DSCAM: variants seen among roughly 807,000 people sequenced by gnomAD.
The protein encoded by DSCAM is cell adhesion molecule DSCAM.
A neutral mutation model predicts 217.7 loss-of-function variants in DSCAM; 47 were observed. The ratio of observed to expected loss-of-function variants is 0.22; its 90% confidence interval spans 0.17 to 0.28. The LOEUF is 0.28. Ranked by LOEUF, DSCAM falls within the 10% of genes least tolerant of loss-of-function variation. The pLI is 1.00. For synonymous variants in DSCAM, 1,056 were observed against 1,015.3 expected (o/e 1.04, Z -0.76); for missense variants, 2,080 against 2,618.3 (o/e 0.79, Z 4.49).
chr21:40,530,924 T>TTCAA lies in DSCAM; in HGVS notation c.509-161680_509-161679insTTGA, dbSNP rs1361596774. On this transcript the variant is annotated intron_variant, in intron 3 of 32. Transcript: ENST00000400454. ...ATCCATCCATCCATCCATTCAACCATCCATCCATCCATCCATCCATCCATC... is the reference window on the plus strand; with the variant it reads ...ATCCATCCATCCATCCATTCAACCATTCAACCATCCATCCATCCATCCATCCATC... Among the ~76,000 whole-genome samples, 5 of 91,742 alleles carry TTCAA rather than the reference T, an allele frequency of 5.5e-5. No individual in the cohort carries two copies. In the East Asian group the frequency reaches 1.4e-3, roughly 26 times the overall value. The allele number at this position is 91,742 out of a possible 152,430, so 60.2% of individuals were successfully genotyped here. A position where few individuals can be genotyped will look rare whatever the true frequency, so the allele number is the denominator to read the frequency against.
At chr21:40,755,159 G>T (rs1283632087) in intron 1 of DSCAM, among the ~76,000 whole-genome samples, 1 of 152,056 alleles carries the variant, frequency 6.6e-6, no homozygotes, top group Non-Finnish European at 1.5e-5. Context: ...TTAAGATGTT[G>T]CCTAGGGTCC....
intron 3 of DSCAM, among the ~76,000 whole-genome samples, chr21:40,514,595 A>G (rs892348970): frequency 2.0e-5 from 3 of 152,254 alleles, no homozygotes; most frequent in Non-Finnish European, 2.9e-5. Context: ...AATGTTCTGC[A>G]GCAACATCTA....
chr21:40,625,919 C>A (rs573197823), intron 3 of DSCAM, among the ~76,000 whole-genome samples: 1 of 152,154 alleles, frequency 6.6e-6, no homozygotes, highest in South Asian at 2.1e-4. Context: ...TCACCTATGT[C>A]TAGCAGGCTC....
At chr21:40,519,176 C>T (rs1453226304) in intron 3 of DSCAM, among the ~76,000 whole-genome samples, 1 of 152,076 alleles carries the variant, frequency 6.6e-6, no homozygotes, top group Non-Finnish European at 1.5e-5. Context: ...TTTTACTCTT[C>T]CTAGGCATGT....
At chr21:40,829,017 T>C (rs1387541194) in intron 1 of DSCAM, among the ~76,000 whole-genome samples, 1 of 152,232 alleles carries the variant, frequency 6.6e-6, no homozygotes, top group Non-Finnish European at 1.5e-5. Flanking sequence ...CTGTATGGCC[T>C]GCCCTGTCCT....
At chr21:40,194,643 T>G (rs919833700) in intron 11 of DSCAM, among the ~76,000 whole-genome samples, 2 of 152,238 alleles carry the variant, frequency 1.3e-5, no homozygotes, top group African/African-American at 2.4e-5. Context: ...TCATAAACTA[T>G]AATATTATCT....
At chr21:40,205,633 G>A (rs1320712429) in intron 11 of DSCAM, among the ~76,000 whole-genome samples, 3 of 147,234 alleles carry the variant, frequency 2.0e-5, no homozygotes, top group Non-Finnish European at 4.5e-5. Flanking sequence ...GTGTTCTCTT[G>A]AACACAGAAA....
chr21:40,757,246 C>T (rs545817535), intron 1 of DSCAM, among the ~76,000 whole-genome samples: 9 of 151,870 alleles, frequency 5.9e-5, no homozygotes, highest in Admixed American at 3.9e-4. Context: ...AAGATGGTCT[C>T]GATCTCCTGA....
At chr21:40,405,550 A>G (rs1188603749) in intron 3 of DSCAM, among the ~76,000 whole-genome samples, 2 of 152,228 alleles carry the variant, frequency 1.3e-5, no homozygotes, top group Non-Finnish European at 2.9e-5. Flanking sequence ...GAAATAACCA[A>G]CAGCATGAAG....
intron 3 of DSCAM, among the ~76,000 whole-genome samples, chr21:40,392,192 T>C (rs2075139962): frequency 6.6e-6 from 1 of 152,206 alleles, no homozygotes; most frequent in African/African-American, 2.4e-5. Context: ...TCCTCAGTAC[T>C]TCCTGAACAT....
chr21:40,620,479 G>T (rs1247374100), intron 3 of DSCAM, among the ~76,000 whole-genome samples: 2 of 148,738 alleles, frequency 1.3e-5, no homozygotes, highest in Admixed American at 6.7e-5. Context: ...AGGAAAAAGG[G>T]AAGGGAAGGG....
intron 3 of DSCAM, among the ~76,000 whole-genome samples, chr21:40,522,209 T>C (rs1568875178): frequency 6.6e-6 from 1 of 152,154 alleles, no homozygotes. Flanking sequence ...TATAAGCAGT[T>C]AGTAGACAGA....
intron 3 of DSCAM, among the ~76,000 whole-genome samples, chr21:40,457,417 C>A (rs142389864): frequency 6.6e-6 from 1 of 152,014 alleles, no homozygotes; most frequent in East Asian, 1.9e-4. Context: ...GAGGCTGAAG[C>A]GGGAGGATTG....
Position 40,014,715 on chromosome 21 carries a change from C to CTGCTTCCTTT in DSCAM, c.5687-1339_5687-1330dup, listed in dbSNP as rs1053026180. On this transcript the variant is annotated intron_variant, in intron 32 of 32. Coordinates refer to ENST00000400454, the MANE Select transcript of DSCAM (RefSeq NM_001389.5). ...GTCTCCAGACTCTCCTTGCCACCTC[C>CTGCTTCCTTT]TGCTTCCTTTTGCTTCCTTCTTCAC... Among the ~76,000 whole-genome samples the CTGCTTCCTTT allele has an allele frequency of 3.9e-5, 6 of 152,172 alleles. No individual in the cohort carries two copies. The East Asian group carries it at 5.8e-4, about 15-fold the overall frequency.
At chr21:40,729,363 G>C (rs1213145909) in intron 1 of DSCAM, among the ~76,000 whole-genome samples, 2 of 152,150 alleles carry the variant, frequency 1.3e-5, no homozygotes, top group African/African-American at 4.8e-5. Context: ...TGAACAAAAA[G>C]GACACACACA....
chr21:40,144,796 C>T lies in DSCAM; in HGVS notation c.3019-65G>A. On this transcript the variant is annotated intron_variant, in intron 16 of 32. Coordinates refer to ENST00000400454, the MANE Select transcript of DSCAM (RefSeq NM_001389.5). The surrounding 1 kb of genome is among the most constrained non-coding windows in gnomAD (Gnocchi z 4.8). ...GGTAGGACAAGAGCGAAATCAACGC[C>T]CACACCCACGTAGGAAAGCAGAAAT... is the stretch of plus-strand genomic sequence containing the variant. 2 of 1,598,850 alleles carry T rather than the reference C, an allele frequency of 1.3e-6. No individual in the cohort carries two copies. Among genetic ancestry groups the T allele is most frequent in the East Asian group, 4.5e-5 (2 of 44,702 alleles).
At chr21:40,568,314 TA>T (rs576825043) in intron 3 of DSCAM, among the ~76,000 whole-genome samples, 196 of 152,304 alleles carry the variant, frequency 1.3e-3, no homozygotes, top group African/African-American at 4.5e-3. Context: ...CAAATATATA[TA>T]TTTTTTTTCT....
At chr21:40,364,498 A>G (rs1297921632) in intron 4 of DSCAM, among the ~76,000 whole-genome samples, 1 of 134,176 alleles carries the variant, frequency 7.5e-6, no homozygotes, top group African/African-American at 2.7e-5. Context: ...TGGACACAGG[A>G]AGGGGAACAT....
intron 27 of DSCAM, 53 bp from the exon 28 acceptor site, chr21:40,062,952 C>T: frequency 6.6e-7 from 1 of 1,510,478 alleles, no homozygotes; most frequent in African/African-American, 1.4e-5. Flanking sequence ...TTAACATTCA[C>T]TTAGGCATTT....
Sources: allele counts gnomAD v4.1 joint callset (sites outside exome capture counted in the v4.1 genomes callset), GRCh38; gene constraint gnomAD v4.1.1; non-coding constraint Gnocchi (gnomAD v3.1); transcripts MANE v1.5; gene names NCBI Gene and HGNC (gene_info 2026-07-23, HGNC 2026-07-21).